The following STK10 variants were observed in gnomAD, a reference collection of about 807,000 sequenced individuals.
The protein encoded by STK10 is serine/threonine kinase 10.
Under a neutral mutation model 113.8 loss-of-function variants are expected in STK10, and 78 were observed. That is an observed-to-expected ratio of 0.69 (90% CI 0.57 to 0.83). STK10 has a LOEUF of 0.83. STK10 is among the 40% of genes least tolerant of loss of function. STK10 has a pLI of 0.00. For synonymous variants in STK10, 465 were observed against 494.7 expected, an observed-to-expected ratio of 0.94 and a Z score of 0.80; for missense variants, 1,109 against 1,280.1, an observed-to-expected ratio of 0.87 and a Z score of 2.04.
chr5:172,144,615 CG>C (rs1770048777), intron 2 of STK10, among the ~76,000 whole-genome samples: 1 of 152,176 alleles, frequency 6.6e-6, no homozygotes, highest in East Asian at 1.9e-4. Context: ...CTCCCAGGAA[CG>C]CTGGGCCAGG....
Position 172,044,361 on chromosome 5 carries a change from A to C in STK10, c.*521T>G, listed in dbSNP as rs942841413. ...CTGGGAGAACAGGAGGAATGAGGCC[A>C]TCTCCTGAGCAGCCAGCTGCAGGCC... On this transcript the variant is annotated 3_prime_UTR_variant, in exon 19 of 19. Transcript: ENST00000176763. The surrounding 1 kb of genome is among the most constrained non-coding windows in gnomAD (Gnocchi z 4.5). The C allele has an allele frequency of 6.4e-6, 1 of 155,754 alleles. No homozygotes were observed. The highest frequency in any genetic ancestry group is 1.4e-5 in the Non-Finnish European group (1 of 70,254). The allele number at this position is 155,754 out of a possible 1,614,324, so 9.6% of individuals were successfully genotyped here.
chr5:172,156,030 G>A (rs1446841360), intron 2 of STK10, among the ~76,000 whole-genome samples: 1 of 151,976 alleles, frequency 6.6e-6, no homozygotes, highest in Non-Finnish European at 1.5e-5. Flanking sequence ...GTGTTGCTGA[G>A]TTTGGAAGAT....
intron 2 of STK10, among the ~76,000 whole-genome samples, chr5:172,130,226 G>A (rs1468987125): frequency 6.6e-6 from 1 of 152,102 alleles, no homozygotes; most frequent in African/African-American, 2.4e-5. Context: ...AGATGAGGTG[G>A]TACTTATAAA....
rs754282524 is a variant in STK10 at position 172,187,929 on chromosome 5, G to C, written c.114C>G (p.Ile38Met). ...RDLDPNEVWEIVGELGDGAFG... is the reference protein window; with the variant it reads ...RDLDPNEVWEMVGELGDGAFG... ...AGGCGCCGTCGCCCAGCTCGCCCACGATCTCCCACACCTCGTTGGGGTCCA... is the reference window on the plus strand; with the variant it reads ...AGGCGCCGTCGCCCAGCTCGCCCACCATCTCCCACACCTCGTTGGGGTCCA... The change falls in exon 1 of 19, where the codon ATC becomes ATG. Residue 38 changes from isoleucine (I) to methionine (M), a missense_variant. Coordinates refer to ENST00000176763, the MANE Select transcript of STK10 (RefSeq NM_005990.4). This position sits in a 1 kb window ranked among gnomAD's most constrained non-coding sequence, Gnocchi z 4.6. The C allele has an allele frequency of 6.2e-7, 1 of 1,613,418 alleles. No individual in the cohort carries two copies. Among genetic ancestry groups the C allele is most frequent in the Admixed American group, 1.7e-5 (1 of 60,006 alleles).
intron 5 of STK10, among the ~76,000 whole-genome samples, chr5:172,107,309 T>C (rs1242038984): frequency 4.0e-5 from 6 of 151,824 alleles, no homozygotes; most frequent in African/African-American, 7.3e-5. Context: ...AGGCGTGAAA[T>C]TGAGTGACAG....
At position 172,054,564 on chromosome 5, in the gene STK10, G is replaced by A. The variant is rs768625000; in HGVS notation, c.2652+5C>T. 3.7e-5 allele frequency: 59 copies of A among 1,604,062 alleles called. No homozygotes were observed. The highest frequency in any genetic ancestry group is 5.3e-5 in the African/African-American group (4 of 74,886). ...GGGCAGGGGCAGGGGCAGGCAGGGCGGTACCTGCAGCTGCTGCAGCTCGCT... is the reference window on the plus strand; with the variant it reads ...GGGCAGGGGCAGGGGCAGGCAGGGCAGTACCTGCAGCTGCTGCAGCTCGCT... On this transcript the variant is annotated splice_donor_5th_base_variant and intron_variant, in intron 17 of 18. Transcript: ENST00000176763.
chr5:172,091,334 G>A (rs1768700130), intron 9 of STK10, among the ~76,000 whole-genome samples: 2 of 152,080 alleles, frequency 1.3e-5, no homozygotes, highest in African/African-American at 4.8e-5. Context: ...ATGAGATTAC[G>A]CATAATCGTC....
chr5:172,095,471 G>A (rs954615621), intron 8 of STK10, among the ~76,000 whole-genome samples: 4 of 152,156 alleles, frequency 2.6e-5, no homozygotes, highest in Admixed American at 1.3e-4. Context: ...GCCATCTATC[G>A]GCTCAGCCAG....
At chr5:172,083,930 A>G (rs1218127266) in intron 10 of STK10, among the ~76,000 whole-genome samples, 22 of 140,154 alleles carry the variant, frequency 1.6e-4, no homozygotes, top group Middle Eastern at 3.2e-3. Flanking sequence ...AAAAAGAAAA[A>G]AAAAAAAAAA....
intron 12 of STK10, among the ~76,000 whole-genome samples, chr5:172,073,826 G>A (rs1390948372): frequency 2.0e-5 from 3 of 147,264 alleles, no homozygotes; most frequent in Admixed American, 1.3e-4. Context: ...TTAGTCAGGC[G>A]TGGTGGCACA....
At chr5:172,126,401 C>T (rs1011640588) in intron 3 of STK10, among the ~76,000 whole-genome samples, 1 of 152,120 alleles carries the variant, frequency 6.6e-6, no homozygotes, top group African/African-American at 2.4e-5. Flanking sequence ...CCCATCACTA[C>T]TAACATACAA....
At chr5:172,089,273 C>T (rs555335514) in intron 10 of STK10, among the ~76,000 whole-genome samples, 3 of 152,354 alleles carry the variant, frequency 2.0e-5, no homozygotes, top group Non-Finnish European at 1.5e-5. Flanking sequence ...ATGGCATGTA[C>T]CACAATCAGG....
intron 1 of STK10, among the ~76,000 whole-genome samples, chr5:172,165,860 CTT>C (rs1770561486): frequency 6.6e-6 from 1 of 151,468 alleles, no homozygotes; most frequent in Non-Finnish European, 1.5e-5. Flanking sequence ...ATGGTGCGAT[CTT>C]GGCTCACTGC....
chr5:172,091,109 T>C (rs1384999023), intron 9 of STK10, among the ~76,000 whole-genome samples: 1 of 152,084 alleles, frequency 6.6e-6, no homozygotes, highest in Admixed American at 6.6e-5. Context: ...GAAGATTCAG[T>C]GAGAGAACAC....
chr5:172,052,573 C>T (rs887328815), intron 18 of STK10, among the ~76,000 whole-genome samples: 2 of 152,210 alleles, frequency 1.3e-5, no homozygotes, highest in African/African-American at 4.8e-5. Context: ...TCTTGTGCTG[C>T]GTTCTGACTC....
chr5:172,146,582 G>A (rs902870419), intron 2 of STK10, among the ~76,000 whole-genome samples: 1 of 152,182 alleles, frequency 6.6e-6, no homozygotes, highest in African/African-American at 2.4e-5. Flanking sequence ...ACCTGGCCGG[G>A]GCAGGACAAA....
At position 172,118,878 on chromosome 5, in the gene STK10, C is replaced by CAAAAAAAAAAAAA. The variant is rs3028101; in HGVS notation, c.371-1261_371-1249dup. 3.2e-3 allele frequency among the ~76,000 whole-genome samples: 226 copies of CAAAAAAAAAAAAA among 71,214 alleles called. 9 individuals carry two copies. The highest frequency in any genetic ancestry group is 0.019 in the Middle Eastern group (2 of 104). 46.7% of individuals were successfully genotyped at this position (71,214 alleles called of 152,430 possible). The stretch of plus-strand genomic sequence containing the variant: ...TGGGTGACAGAGCGAGACTCAGTCT[C>CAAAAAAAAAAAAA]AAAAAAAAAAAAAAAAAAAGTGTCC... On this transcript the variant is annotated intron_variant, in intron 3 of 18. Transcript: ENST00000176763.
In STK10 at chr5:172,149,768, G is replaced by A. The variant is rs576030375; in HGVS notation, c.321+6856C>T. ...CTCCGTTGAAAGACCTCCTTGGGCC[G>A]GGCGCGGTGGCTCATGCCTGTAATC... is the stretch of plus-strand genomic sequence containing the variant. On this transcript the variant is annotated intron_variant, in intron 2 of 18. Coordinates refer to ENST00000176763, the MANE Select transcript of STK10 (RefSeq NM_005990.4). Among the ~76,000 whole-genome samples the A allele has an allele frequency of 7.7e-4, 117 of 152,038 alleles. 1 individual carries two copies. Among genetic ancestry groups the A allele is most frequent in the African/African-American group, 2.4e-3 (101 of 41,454 alleles).
intron 2 of STK10, among the ~76,000 whole-genome samples, chr5:172,134,285 G>A (rs1769810000): frequency 6.6e-6 from 1 of 152,066 alleles, no homozygotes; most frequent in Non-Finnish European, 1.5e-5. Context: ...AAGAGTGAGG[G>A]GCTTTGGTAG....
Sources: allele counts gnomAD v4.1 joint callset (sites outside exome capture counted in the v4.1 genomes callset), GRCh38; gene constraint gnomAD v4.1.1; non-coding constraint Gnocchi (gnomAD v3.1); transcripts MANE v1.5; gene names NCBI Gene and HGNC (gene_info 2026-07-23, HGNC 2026-07-21).